SLAIN2: variants seen among roughly 807,000 people sequenced by gnomAD.
SLAIN2 encodes SLAIN motif-containing protein 2.
In SLAIN2, 31 loss-of-function variants were observed where a neutral mutation model predicts 56.6. That is an observed-to-expected ratio of 0.55 (90% confidence interval 0.41 to 0.74). SLAIN2 has a LOEUF of 0.74. SLAIN2 is among the 30% of genes least tolerant of loss of function. The pLI is 0.00. For synonymous variants in SLAIN2, 317 were observed against 284.9 expected (o/e 1.11, Z -1.13); for missense variants, 777 against 754.2 (o/e 1.03, Z -0.35).
At chr4:48,342,233 T>C in intron 1 of SLAIN2, 105 bp downstream of exon 1, 1 of 1,283,592 alleles carries the variant, frequency 7.8e-7, no homozygotes, top group Non-Finnish European at 1.0e-6. Context: ...TGTAGCCGGG[T>C]CCGCTCTCCT....
At chr4:48,365,809 AG>A (rs1164943750) in intron 1 of SLAIN2, among the ~76,000 whole-genome samples, 1 of 152,068 alleles carries the variant, frequency 6.6e-6, no homozygotes, top group Admixed American at 6.5e-5. Context: ...GTGATCCACC[AG>A]CCTCGGCCTC....
Position 48,422,133 on chromosome 4 carries a change from T to TA in SLAIN2, c.*62dup. 4 of 1,426,406 alleles carry TA rather than the reference T, an allele frequency of 2.8e-6. No individual in the cohort carries two copies. Among genetic ancestry groups the TA allele is most frequent in the South Asian group, 1.2e-5 (1 of 82,442 alleles). 88.4% of individuals were successfully genotyped at this position (1,426,406 alleles called of 1,614,324 possible). Reference sequence around the variant, plus strand: ...GCTTCATGGATACCCTTCACCAGGCTAAAAAACAACTTTTATATGCAGACT... The same window carrying TA: ...GCTTCATGGATACCCTTCACCAGGCTAAAAAAACAACTTTTATATGCAGACT... On this transcript the variant is annotated 3_prime_UTR_variant, in exon 8 of 8. Transcript: ENST00000264313.
In SLAIN2 at chr4:48,365,992, C is replaced by T. The variant is rs1385927556; in HGVS notation, c.390-3857C>T. Among the ~76,000 whole-genome samples the T allele has an allele frequency of 3.3e-5, 5 of 152,202 alleles. No individual in the cohort carries two copies. The East Asian group carries it at 5.8e-4, about 18-fold the overall frequency. On this transcript the variant is annotated intron_variant, in intron 1 of 7. Coordinates refer to ENST00000264313, the MANE Select transcript of SLAIN2 (RefSeq NM_020846.2). ...TCTAAGCACTTTTTTAGCGTCATCA[C>T]ATAATATTGGTATGTTGTATTTTTG...
At chr4:48,394,767 A>ATTATTCTTTAAAAT in intron 6 of SLAIN2, 1 of 710,116 alleles carries the variant, frequency 1.4e-6, no homozygotes, top group Non-Finnish European at 2.3e-6. Context: ...GTCTTATTTT[A>ATTATTCTTTAAAAT]AAGAATAATA....
chr4:48,350,759 A>G (rs1324903476), intron 1 of SLAIN2, among the ~76,000 whole-genome samples: 1 of 152,220 alleles, frequency 6.6e-6, no homozygotes, highest in Non-Finnish European at 1.5e-5. Flanking sequence ...CTAGGTCTTT[A>G]GGAGTGGCTC....
At chr4:48,371,966 GTA>G (rs1339917731) in intron 2 of SLAIN2, among the ~76,000 whole-genome samples, 8 of 75,144 alleles carry the variant, frequency 1.1e-4, no homozygotes, top group Admixed American at 6.6e-4. Flanking sequence ...CAAACAAAAA[GTA>G]TATACACACA....
At chr4:48,358,300 T>TA (rs1715217193) in intron 1 of SLAIN2, among the ~76,000 whole-genome samples, 4 of 151,958 alleles carry the variant, frequency 2.6e-5, no homozygotes, top group Admixed American at 2.6e-4. Flanking sequence ...TTATAATAAT[T>TA]ACTGTTACAT....
chr4:48,409,408 C>G (rs1394546352), intron 6 of SLAIN2, among the ~76,000 whole-genome samples: 1 of 152,162 alleles, frequency 6.6e-6, no homozygotes, highest in Non-Finnish European at 1.5e-5. Flanking sequence ...CTCAGATGTT[C>G]CTACACGGAC....
intron 6 of SLAIN2, among the ~76,000 whole-genome samples, chr4:48,419,395 C>G (rs965033611): frequency 6.6e-6 from 1 of 152,102 alleles, no homozygotes; most frequent in Non-Finnish European, 1.5e-5. Context: ...TGAGTTACCA[C>G]GCCTGATCTT....
intron 6 of SLAIN2, among the ~76,000 whole-genome samples, chr4:48,404,447 C>G (rs746314956): frequency 6.6e-6 from 1 of 152,200 alleles, no homozygotes; most frequent in African/African-American, 2.4e-5. Context: ...ATTCTAGCCC[C>G]TCTTTGCTTT....
chr4:48,412,707 C>T (rs1159172668), intron 6 of SLAIN2, among the ~76,000 whole-genome samples: 3 of 152,046 alleles, frequency 2.0e-5, no homozygotes, highest in Non-Finnish European at 4.4e-5. Context: ...CTGCATCTTA[C>T]ATTTAATAAA....
At chr4:48,357,391 C>G (rs1239629518) in intron 1 of SLAIN2, among the ~76,000 whole-genome samples, 1 of 150,848 alleles carries the variant, frequency 6.6e-6, no homozygotes, top group South Asian at 2.1e-4. Flanking sequence ...TTTTTTCCTC[C>G]TGTTTCAAGA....
At position 48,394,540 on chromosome 4, in the gene SLAIN2, TC is replaced by T. The variant is rs1197857047; in HGVS notation, c.1360+10758del. 9.3e-6 allele frequency: 14 copies of T among 1,504,290 alleles called. No homozygotes were observed. The East Asian group carries it at 1.2e-4, about 13-fold the overall frequency. 93.2% of individuals were successfully genotyped at this position (1,504,290 alleles called of 1,614,324 possible). Reference sequence around the variant, plus strand: ...GACGCTGTAGCCTTTGTCTTGTACTTCCAGGCAAATATTACAGTTCCTTATT... The same window carrying T: ...GACGCTGTAGCCTTTGTCTTGTACTTCAGGCAAATATTACAGTTCCTTATT... On this transcript the variant is annotated intron_variant, in intron 6 of 7. Coordinates refer to ENST00000264313, the MANE Select transcript of SLAIN2 (RefSeq NM_020846.2).
intron 1 of SLAIN2, among the ~76,000 whole-genome samples, chr4:48,354,894 CTTTTCTTT>C (rs1200654678): frequency 2.0e-5 from 3 of 149,376 alleles, no homozygotes; most frequent in Admixed American, 6.7e-5. Flanking sequence ...ATTTTCTTTT[CTTTTCTTT>C]TTTTCTTTTT....
intron 6 of SLAIN2, among the ~76,000 whole-genome samples, chr4:48,419,661 A>G (rs1717095785): frequency 6.6e-6 from 1 of 152,230 alleles, no homozygotes; most frequent in Non-Finnish European, 1.5e-5. Flanking sequence ...TTTTAGTTAC[A>G]GTGTCAGTAA....
intron 6 of SLAIN2, among the ~76,000 whole-genome samples, chr4:48,392,016 A>G (rs955392385): frequency 7.2e-5 from 11 of 152,222 alleles, no homozygotes; most frequent in Non-Finnish European, 1.5e-4. Flanking sequence ...TAAACCATAA[A>G]TATTTTCGAA....
intron 4 of SLAIN2, among the ~76,000 whole-genome samples, chr4:48,381,609 AC>A (rs1715974887): frequency 6.6e-6 from 1 of 152,172 alleles, no homozygotes; most frequent in African/African-American, 2.4e-5. Flanking sequence ...TCCCCGACTA[AC>A]TGAAGGGCTA....
rs761272695 is a variant in SLAIN2, at chr4:48,342,711, CTTTTT to C, written c.389+603_389+607del. Among the ~76,000 whole-genome samples the C allele has an allele frequency of 6.9e-3, 454 of 65,944 alleles. 4 individuals are homozygous for C. Among genetic ancestry groups the C allele is most frequent in the African/African-American group, 0.027 (427 of 15,980 alleles). The allele number at this position is 65,944 out of a possible 152,430, so 43.3% of individuals were successfully genotyped here. ...GAAGAGAGGGCAGAGGATGGTGCTG[CTTTTT>C]TTTTTTTTTTTTTTTTTTTGTTACT... On this transcript the variant is annotated intron_variant, in intron 1 of 7. Coordinates refer to ENST00000264313, the MANE Select transcript of SLAIN2 (RefSeq NM_020846.2).
intron 6 of SLAIN2, 117 bp from the exon 7 acceptor site, chr4:48,420,008 T>C: frequency 1.0e-6 from 1 of 997,054 alleles, no homozygotes; most frequent in Non-Finnish European, 1.5e-6. Flanking sequence ...TTTGCATTGC[T>C]GTGAAGTTTC....
Sources: allele counts gnomAD v4.1 joint callset (sites outside exome capture counted in the v4.1 genomes callset), GRCh38; gene constraint gnomAD v4.1.1; transcripts MANE v1.5; gene names NCBI Gene and HGNC (gene_info 2026-07-23, HGNC 2026-07-21).